The following DSC1 variants were observed in gnomAD, a reference collection of about 807,000 sequenced individuals.
DSC1 encodes the protein desmocollin-1.
Under a neutral mutation model 98.8 loss-of-function variants are expected in DSC1, and 79 were observed. The ratio of observed to expected loss-of-function variants is 0.80; its 90% CI spans 0.67 to 0.96. The LOEUF (loss-of-function observed/expected upper bound fraction) is 0.96, where lower values mean the gene tolerates loss of function less well. Among genes scored for constraint, DSC1 ranks in the 50% least tolerant of loss-of-function variants. The pLI is 0.00. For missense variants in DSC1, 1,115 were observed against 1,075.9 expected (o/e 1.04, Z -0.51); for synonymous variants, 405 against 372.1 (o/e 1.09, Z -1.02).
chr18:31,157,596 C>A, intron 2 of DSC1, 23 bp from the exon 3 acceptor site: 1 of 1,613,492 alleles, frequency 6.2e-7, no homozygotes, highest in Non-Finnish European at 8.5e-7. Flanking sequence ...AATATCACAG[C>A]AGTTTGTCAG....
chr18:31,137,132 T>C (rs1988627243), intron 11 of DSC1, among the ~76,000 whole-genome samples: 1 of 151,978 alleles, frequency 6.6e-6, no homozygotes, highest in Non-Finnish European at 1.5e-5. Context: ...CACTGTATTA[T>C]AAATCAGCCT....
At chr18:31,134,843 T>C (rs1036864129) in intron 11 of DSC1, 59 bp from the exon 12 acceptor site, 4 of 1,472,378 alleles carry the variant, frequency 2.7e-6, no homozygotes, top group African/African-American at 2.8e-5. Context: ...TTTTCAACAA[T>C]TTATAAAATA....
chr18:31,149,270 A>T (rs1256109318), intron 5 of DSC1, among the ~76,000 whole-genome samples: 1 of 152,180 alleles, frequency 6.6e-6, no homozygotes. Context: ...GTGTTCAGCA[A>T]ATAGTTGTTG....
chr18:31,139,981 T>G (rs1988696335), intron 10 of DSC1, 61 bp downstream of exon 10: 1 of 1,570,876 alleles, frequency 6.4e-7, no homozygotes, highest in South Asian at 1.2e-5. Context: ...AAAACATTCA[T>G]AACTTTAAAA....
rs148964275 is a variant in DSC1 at position 31,148,640 on chromosome 18, T to A, written c.630A>T (p.Leu210Phe). 143 of 1,575,802 alleles carry A rather than the reference T, an allele frequency of 9.1e-5. No homozygotes were observed. In the African/African-American group the frequency reaches 1.8e-3, roughly 20 times the overall value. Reference protein sequence around the residue: ...IDREKYEQFALYGYATTADGY... With the variant: ...IDREKYEQFAFYGYATTADGY... ...CATCTGCAGTTGTTGCATAGCCATA[T>A]AACTGAAAGAAGGGAAAATACCATC... Residue 210 changes from leucine (L) to phenylalanine (F), a missense_variant and splice_region_variant, in exon 6 of 16, where the codon TTA becomes TTT. Coordinates refer to ENST00000257198, the MANE Select transcript of DSC1 (RefSeq NM_024421.2).
chr18:31,139,773 A>T lies in DSC1; in HGVS notation c.1638T>A (p.Asn546Lys). Reference sequence around the variant, plus strand: ...CTGCATCCACTGCAACAACTGAAATATTGTATTGGTTGTTTTTTACAAATT... The same window carrying T: ...CTGCATCCACTGCAACAACTGAAATTTTGTATTGGTTGTTTTTTACAAATT... ...ESKFVKNNQYNISVVAVDAVG... is the reference protein window; with the variant it reads ...ESKFVKNNQYKISVVAVDAVG... Residue 546 changes from asparagine to lysine, a missense_variant, in exon 11 of 16, where the codon AAT becomes AAA. Asn to Lys is a moderately conservative substitution (Grantham distance 94, BLOSUM62 0). Transcript: ENST00000257198. 6.2e-7 allele frequency: 1 copy of T among 1,608,342 alleles called. No individual in the cohort carries two copies. Among genetic ancestry groups the T allele is most frequent in the Non-Finnish European group, 8.5e-7 (1 of 1,177,982 alleles).
intron 7 of DSC1, among the ~76,000 whole-genome samples, chr18:31,144,100 G>T (rs553418306): frequency 5.5e-4 from 83 of 152,046 alleles, no homozygotes; most frequent in African/African-American, 1.9e-3. Flanking sequence ...AGTAGAGACA[G>T]GGTTTTACTG....
At chr18:31,136,375 AAC>A (rs1287428200) in intron 11 of DSC1, among the ~76,000 whole-genome samples, 1 of 152,228 alleles carries the variant, frequency 6.6e-6, no homozygotes, top group Admixed American at 6.5e-5. Context: ...ATCGTAAGAA[AAC>A]ACACTTTAAA....
rs773558153 is a variant in DSC1, at chr18:31,130,537, C to T, written c.2662G>A (p.Ala888Thr). The change falls in exon 16 of 16, where the codon GCA becomes ACA. Residue 888 changes from alanine (A) to threonine (T), a missense_variant. By Grantham distance (58) the Ala-to-Thr change is moderately conservative. Coordinates refer to ENST00000257198, the MANE Select transcript of DSC1 (RefSeq NM_024421.2). ...DHLEPKFRTLAKTCIKK is the reference protein window; with the variant it reads ...DHLEPKFRTLTKTCIKK ...ATTTATTTCTTGATGCATGTCTTTG[C>T]TAATGTCCTAAATTTGGGTTCCAGG... 10 of 1,614,122 alleles carry T rather than the reference C, an allele frequency of 6.2e-6. No homozygotes were observed. Among genetic ancestry groups the T allele is most frequent in the Non-Finnish European group, 8.5e-6 (10 of 1,180,008 alleles).
chr18:31,131,165 A>G (rs1215173727), intron 15 of DSC1, among the ~76,000 whole-genome samples: 1 of 152,198 alleles, frequency 6.6e-6, no homozygotes, highest in African/African-American at 2.4e-5. Context: ...AGGAACTAAA[A>G]CTCAAAATAA....
chr18:31,139,634 A>G, intron 11 of DSC1, 114 bp downstream of exon 11: 2 of 1,127,852 alleles, frequency 1.8e-6, no homozygotes, highest in Non-Finnish European at 2.4e-6. Flanking sequence ...TGAACAATAA[A>G]AATGCAAACA....
chr18:31,135,973 G>A (rs183973357), intron 11 of DSC1, among the ~76,000 whole-genome samples: 56 of 152,008 alleles, frequency 3.7e-4, no homozygotes, highest in African/African-American at 1.3e-3. Context: ...ATATCATGTA[G>A]TGTATTTCAA....
chr18:31,136,103 A>T (rs1261537288), intron 11 of DSC1, among the ~76,000 whole-genome samples: 1 of 151,950 alleles, frequency 6.6e-6, no homozygotes, highest in Non-Finnish European at 1.5e-5. Context: ...AAATTTAAAA[A>T]TATCCAGAAA....
chr18:31,148,717 G>A, intron 5 of DSC1, 75 bp from the exon 6 acceptor site: 1 of 1,346,270 alleles, frequency 7.4e-7, no homozygotes, highest in South Asian at 1.9e-5. Context: ...AGCAGTGGGG[G>A]AAAATGTAAC....
At chr18:31,161,185 A>G (rs1004893239) in intron 1 of DSC1, among the ~76,000 whole-genome samples, 1 of 152,094 alleles carries the variant, frequency 6.6e-6, no homozygotes, top group Admixed American at 6.6e-5. Context: ...TTGTGTAACT[A>G]AACATTTTTA....
At chr18:31,156,255 G>A (rs759443339) in intron 3 of DSC1, 93 bp from the exon 4 acceptor site, 8 of 1,448,184 alleles carry the variant, frequency 5.5e-6, no homozygotes, top group Admixed American at 2.1e-5. Context: ...CAGATGTAAG[G>A]GTTACACATT....
intron 7 of DSC1, 28 bp from the exon 8 acceptor site, chr18:31,143,819 T>C: frequency 6.5e-7 from 1 of 1,528,542 alleles, no homozygotes; most frequent in Non-Finnish European, 8.8e-7. Context: ...ACTACATTAA[T>C]GAACACTTTT....
chr18:31,144,219 C>T (rs1354236069), intron 7 of DSC1, among the ~76,000 whole-genome samples: 2 of 147,032 alleles, frequency 1.4e-5, no homozygotes, highest in African/African-American at 2.6e-5. Flanking sequence ...CCAAATATTC[C>T]TTTTACGTAT....
Position 31,145,828 on chromosome 18 carries a change from T to G in DSC1, c.773-51A>C, listed in dbSNP as rs760795598. The G allele has an allele frequency of 3.2e-6, 5 of 1,557,762 alleles. No homozygotes were observed. In the East Asian group the frequency reaches 1.1e-4, roughly 35 times the overall value. The stretch of plus-strand genomic sequence containing the variant: ...AAAAATTTCTACTCATATAATTGAA[T>G]TATAAACAAAATAAAATCAAGGCAT... On this transcript the variant is annotated intron_variant, in intron 6 of 15. Transcript: ENST00000257198.
Sources: allele counts gnomAD v4.1 joint callset (sites outside exome capture counted in the v4.1 genomes callset), GRCh38; gene constraint gnomAD v4.1.1; transcripts MANE v1.5; gene names NCBI Gene and HGNC (gene_info 2026-07-23, HGNC 2026-07-21).